UNC13C: variants seen among roughly 807,000 people sequenced by gnomAD.
UNC13C encodes protein unc-13 homolog C.
In UNC13C, 174 loss-of-function variants were observed where a neutral mutation model predicts 245.4. The observed-to-expected ratio is 0.71, with a 90% CI of 0.63 to 0.80. UNC13C has a LOEUF of 0.80. Ranked by LOEUF, UNC13C falls within the 30% of genes least tolerant of loss-of-function variation. The pLI, the probability that UNC13C is intolerant of heterozygous loss-of-function variation, is 0.00. For synonymous variants in UNC13C, 992 were observed against 895.1 expected (o/e 1.11, Z -1.93); for missense variants, 2,829 against 2,602.9 (o/e 1.09, Z -1.89).
chr15:54,329,158 G>T (rs186110367), intron 14 of UNC13C, among the ~76,000 whole-genome samples: 2 of 144,374 alleles, frequency 1.4e-5, no homozygotes, highest in African/African-American at 5.2e-5. Flanking sequence ...AATTGGATAC[G>T]TAATAGTTGT....
intron 30 of UNC13C, among the ~76,000 whole-genome samples, chr15:54,589,098 C>T (rs1044145775): frequency 6.6e-6 from 1 of 152,062 alleles, no homozygotes; most frequent in South Asian, 2.1e-4. Context: ...TACATTCCCA[C>T]CAACAGTGTA....
At chr15:54,482,392 G>A (rs1246798861) in intron 19 of UNC13C, among the ~76,000 whole-genome samples, 5 of 152,120 alleles carry the variant, frequency 3.3e-5, no homozygotes, top group Admixed American at 1.3e-4. Context: ...AAGTGAACTC[G>A]CAGCAGCTCC....
intron 2 of UNC13C, among the ~76,000 whole-genome samples, chr15:54,016,571 C>T (rs1895669772): frequency 6.6e-6 from 1 of 152,136 alleles, no homozygotes; most frequent in African/African-American, 2.4e-5. Flanking sequence ...GAATAAAGTC[C>T]CTTCTCCACC....
chr15:54,441,524 G>T (rs1209308670), intron 19 of UNC13C, among the ~76,000 whole-genome samples: 1 of 151,992 alleles, frequency 6.6e-6, no homozygotes, highest in Non-Finnish European at 1.5e-5. Flanking sequence ...ATATTTTAGG[G>T]TTCTCTATTG....
At chr15:53,981,838 G>A (rs1893939842) in intron 1 of UNC13C, among the ~76,000 whole-genome samples, 1 of 152,116 alleles carries the variant, frequency 6.6e-6, no homozygotes, top group Admixed American at 6.6e-5. Flanking sequence ...AAGACACACT[G>A]AATCGTTTCT....
intron 2 of UNC13C, among the ~76,000 whole-genome samples, chr15:54,098,604 T>C (rs1414997814): frequency 6.6e-6 from 1 of 152,204 alleles, no homozygotes; most frequent in East Asian, 1.9e-4. Context: ...TTCATGTTTT[T>C]TTTTCTTAGT....
At chr15:54,473,427 G>C (rs1406497054) in intron 19 of UNC13C, among the ~76,000 whole-genome samples, 1 of 151,812 alleles carries the variant, frequency 6.6e-6, no homozygotes, top group Non-Finnish European at 1.5e-5. Flanking sequence ...TACCCCCGCT[G>C]TGCTGGCAAA....
chr15:54,467,300 T>C (rs1294494704), intron 19 of UNC13C, among the ~76,000 whole-genome samples: 1 of 151,820 alleles, frequency 6.6e-6, no homozygotes, highest in Non-Finnish European at 1.5e-5. Context: ...TAATGATGGC[T>C]ATTTAAATCC....
At chr15:54,393,730 T>TA (rs1457805356) in intron 18 of UNC13C, among the ~76,000 whole-genome samples, 2 of 152,050 alleles carry the variant, frequency 1.3e-5, no homozygotes, top group African/African-American at 4.8e-5. Context: ...GAAGAGACCG[T>TA]AAAAATCCTC....
intron 29 of UNC13C, among the ~76,000 whole-genome samples, chr15:54,557,574 C>G (rs1473685305): frequency 1.3e-5 from 2 of 151,388 alleles, no homozygotes; most frequent in Non-Finnish European, 2.9e-5. Flanking sequence ...TCAATGTCTC[C>G]CCGGAGCCCA....
chr15:54,572,908 CCCCTTA>C (rs1485716288), intron 30 of UNC13C, among the ~76,000 whole-genome samples: 1 of 152,044 alleles, frequency 6.6e-6, no homozygotes, highest in African/African-American at 2.4e-5. Context: ...CATATAATTT[CCCCTTA>C]CTCCATTTTC....
the UNC13C span, among the ~76,000 whole-genome samples, chr15:53,922,302 T>A: frequency 6.6e-6 from 1 of 152,206 alleles, no homozygotes; most frequent in Non-Finnish European, 1.5e-5. Context: ...AGGGCATATA[T>A]GAAAAAGGTT....
intron 4 of UNC13C, among the ~76,000 whole-genome samples, chr15:54,170,340 C>A (rs1333440135): frequency 6.6e-6 from 1 of 151,970 alleles, no homozygotes; most frequent in East Asian, 1.9e-4. Flanking sequence ...AAAACAGAAT[C>A]ATTTAGCGTA....
intron 24 of UNC13C, among the ~76,000 whole-genome samples, chr15:54,517,917 C>T (rs1218252864): frequency 6.6e-6 from 1 of 152,074 alleles, no homozygotes; most frequent in Non-Finnish European, 1.5e-5. Flanking sequence ...AAACTCAAAC[C>T]TCACCTCTTG....
At chr15:53,885,180 A>C in the UNC13C span, among the ~76,000 whole-genome samples, 1 of 152,234 alleles carries the variant, frequency 6.6e-6, no homozygotes, top group Non-Finnish European at 1.5e-5. Context: ...GAACAAACGG[A>C]AATTGGAAAA....
At chr15:54,092,020 T>G (rs1395213817) in intron 2 of UNC13C, among the ~76,000 whole-genome samples, 2 of 152,228 alleles carry the variant, frequency 1.3e-5, no homozygotes, top group Non-Finnish European at 2.9e-5. Context: ...TTACTACACC[T>G]CTTAGACTTA....
At chr15:54,237,066 A>G (rs1327751520) in intron 6 of UNC13C, among the ~76,000 whole-genome samples, 1 of 152,198 alleles carries the variant, frequency 6.6e-6, no homozygotes, top group Non-Finnish European at 1.5e-5. Flanking sequence ...CACTCAAGTT[A>G]CCAGCATCGA....
chr15:54,467,002 G>A (rs1892207139), intron 19 of UNC13C, among the ~76,000 whole-genome samples: 1 of 151,792 alleles, frequency 6.6e-6, no homozygotes, highest in South Asian at 2.1e-4. Context: ...TAGAGAAGTA[G>A]TTCCAAACCT....
intron 19 of UNC13C, among the ~76,000 whole-genome samples, chr15:54,473,543 C>A (rs1245905810): frequency 3.3e-5 from 5 of 151,786 alleles, no homozygotes; most frequent in Non-Finnish European, 5.9e-5. Context: ...AACTATCATT[C>A]TACCCTCTAA....
Sources: gnomAD v4.1 joint callset for allele counts (sites outside exome capture counted in the v4.1 genomes callset) on GRCh38, gnomAD v4.1.1 for gene constraint, MANE v1.5 for transcripts, NCBI Gene and HGNC (gene_info 2026-07-23, HGNC 2026-07-21) for gene names.